Variants in CSF1R observed in about 807,000 individuals in gnomAD.
CSF1R encodes the protein macrophage colony-stimulating factor 1 receptor.
A neutral mutation model predicts 110.0 loss-of-function variants in CSF1R; 40 were observed. That is an observed-to-expected ratio of 0.36 (90% CI 0.28 to 0.47). The LOEUF (loss-of-function observed/expected upper bound fraction) is 0.47. Ranked by LOEUF, CSF1R falls within the 20% of genes least tolerant of loss-of-function variation. The pLI is 0.99. For synonymous variants in CSF1R, 523 were observed against 503.4 expected, an observed-to-expected ratio of 1.04 and a Z score of -0.52; for missense variants, 1,052 against 1,253.0, an observed-to-expected ratio of 0.84 and a Z score of 2.42.
At position 150,077,289 on chromosome 5, in the gene CSF1R, G is replaced by T; in HGVS notation, c.876C>A (p.Phe292Leu). The change falls in exon 5 of 21, where the codon TTC becomes TTA. Residue 292 changes from phenylalanine (F) to leucine (L), a missense_variant. Physicochemically the swap from Phe to Leu is conservative, Grantham distance 22. Transcript: ENST00000675795. ...CCTGATGCTTACCTACCACCCGGAA[G>T]AACATGGAGGTGGAGTGCTTGCCCT... is the stretch of plus-strand genomic sequence containing the variant. ...NVQGKHSTSM[F>L]FRVVESAYLN... The T allele has an allele frequency of 6.2e-7, 1 of 1,614,222 alleles. No homozygotes were observed. Among genetic ancestry groups the T allele is most frequent in the East Asian group, 2.2e-5 (1 of 44,880 alleles).
At chr5:150,086,124 G>A (rs1192427261) in intron 1 of CSF1R, among the ~76,000 whole-genome samples, 2 of 152,036 alleles carry the variant, frequency 1.3e-5, no homozygotes, top group Non-Finnish European at 2.9e-5. Flanking sequence ...GAGTATCAGA[G>A]GCTTGCTCAG....
chr5:150,064,745 AG>A (rs1380637658), intron 10 of CSF1R, among the ~76,000 whole-genome samples: 1 of 151,872 alleles, frequency 6.6e-6, no homozygotes, highest in East Asian at 1.9e-4. Context: ...GTTGAAAGGG[AG>A]GGGATCAAGG....
intron 6 of CSF1R, 33 bp from the exon 7 acceptor site, chr5:150,070,604 C>T: frequency 7.0e-7 from 1 of 1,435,676 alleles, no homozygotes; most frequent in Non-Finnish European, 9.3e-7. Flanking sequence ...GTTGGTGAGC[C>T]CCAGCCTAGT....
In CSF1R at chr5:150,059,790, G is replaced by T; in HGVS notation, c.2042C>A (p.Ala681Asp). The change falls in exon 14 of 21, where the codon GCC becomes GAC. Residue 681 changes from alanine (A) to aspartate (D), a missense_variant. Physicochemically the swap from Ala to Asp is moderately radical, Grantham distance 126 (BLOSUM62 -2). This residue lies in a region of CSF1R where 124 missense variants were observed against 117.7 expected (regional missense o/e 1.05). Transcript: ENST00000675795. Reference sequence around the variant, plus strand: ...GGGGCTCAGGCTGGGTCCCAGCATGGCCTCAGCCTTCCTTCGCAGAAAGTT... The same window carrying T: ...GGGGCTCAGGCTGGGTCCCAGCATGTCCTCAGCCTTCCTTCGCAGAAAGTT... ...LLNFLRRKAE[A>D]MLGPSLSPGQ... 6.2e-7 allele frequency: 1 copy of T among 1,614,190 alleles called. No individual in the cohort carries two copies. The highest frequency in any genetic ancestry group is 8.5e-7 in the Non-Finnish European group (1 of 1,180,046).
intron 1 of CSF1R, among the ~76,000 whole-genome samples, chr5:150,093,681 T>C (rs542047331): frequency 6.6e-6 from 1 of 152,298 alleles, no homozygotes; most frequent in Non-Finnish European, 1.5e-5. Flanking sequence ...TCATAAATGT[T>C]TAAGGCAATA....
intron 16 of CSF1R, 85 bp from the exon 17 acceptor site, chr5:150,056,426 G>A (rs776915131): frequency 1.7e-4 from 256 of 1,550,262 alleles, no homozygotes; most frequent in Non-Finnish European, 2.1e-4. Context: ...GGCCCCACAT[G>A]GCTTTGGAGT....
chr5:150,098,936 C>G (rs1486850802), intron 1 of CSF1R, among the ~76,000 whole-genome samples: 1 of 149,948 alleles, frequency 6.7e-6, no homozygotes, highest in Non-Finnish European at 1.5e-5. Flanking sequence ...TCTTGTCACC[C>G]AGGCTATAGT....
intron 10 of CSF1R, among the ~76,000 whole-genome samples, chr5:150,067,386 G>A (rs753187329): frequency 6.6e-6 from 1 of 152,196 alleles, no homozygotes; most frequent in Admixed American, 6.5e-5. Flanking sequence ...TTGACCAGCT[G>A]TAGACAAGGG....
intron 1 of CSF1R, among the ~76,000 whole-genome samples, chr5:150,111,474 A>G (rs547678095): frequency 2.1e-3 from 325 of 152,336 alleles, no homozygotes; most frequent in Non-Finnish European, 3.2e-3. Context: ...CCTCCCACAA[A>G]TGAGTTTTTA....
intron 1 of CSF1R, among the ~76,000 whole-genome samples, chr5:150,083,349 A>AACACACACACACACAC (rs59055324): frequency 1.5e-4 from 16 of 106,384 alleles, no homozygotes; most frequent in African/African-American, 4.8e-4. Flanking sequence ...CTTCTCTCCC[A>AACACACACACACACAC]ACACACACAC....
intron 1 of CSF1R, chr5:150,095,112 G>A (rs1429171656): frequency 0.04 from 13,141 of 327,564 alleles, 255 homozygotes; most frequent in South Asian, 0.088. Flanking sequence ...TCTCAAATTG[G>A]AAAAAAAAAA....
In CSF1R at chr5:150,080,155, G is replaced by T. The variant is rs768676884; in HGVS notation, c.489C>A (p.Thr163=). 2.1e-5 allele frequency: 34 copies of T among 1,613,970 alleles called. No homozygotes were observed. Among genetic ancestry groups the T allele is most frequent in the Non-Finnish European group, 2.8e-5 (33 of 1,180,062 alleles). ...TCTGAATGAACTTGGCCCTGTGGAT[G>T]GTGAAGCCATGCCAGGGCGAGAAGG... ...NYSFSPWHGF[T]IHRAKFIQSQ... is the part of the protein sequence containing the mutation. Residue 163 remains threonine, a synonymous_variant, in exon 3 of 21, where the codon ACC becomes ACA. Transcript: ENST00000675795.
chr5:150,089,533 T>G (rs1417202613), upstream of CSF1R, among the ~76,000 whole-genome samples: 11 of 152,172 alleles, frequency 7.2e-5, no homozygotes. Context: ...AAAACACTGT[T>G]GAAAGAAATT....
chr5:150,084,396 AAGGAAGGAAGGAAG>A (rs1561945978), intron 1 of CSF1R, among the ~76,000 whole-genome samples: 21 of 44,078 alleles, frequency 4.8e-4, no homozygotes, highest in South Asian at 7.1e-4. Context: ...AGAAAGAAGG[AAGGAAGGAAGGAAG>A]GAAGGAAGGA....
rs756527519 is a variant in CSF1R at position 150,054,137 on chromosome 5, G to T, written c.2851C>A (p.Leu951Met). 5 of 1,613,842 alleles carry T rather than the reference G, an allele frequency of 3.1e-6. No individual in the cohort carries two copies. Among genetic ancestry groups the T allele is most frequent in the Non-Finnish European group, 4.2e-6 (5 of 1,179,968 alleles). The change falls in exon 21 of 21, where the codon CTG becomes ATG. Residue 951 changes from leucine to methionine, a missense_variant. Leu to Met is a conservative substitution (Grantham distance 15). Coordinates refer to ENST00000675795, the MANE Select transcript of CSF1R (RefSeq NM_001288705.3). ...ELEEESSSEH[L>M]TCCEQGDIAQ... The stretch of plus-strand genomic sequence containing the variant: ...ATATCCCCTTGCTCGCAGCAGGTCA[G>T]GTGCTCACTAGAGCTCTCCTCCTCC...
At chr5:150,058,785 T>G (rs1469973502) in intron 14 of CSF1R, among the ~76,000 whole-genome samples, 1 of 151,866 alleles carries the variant, frequency 6.6e-6, no homozygotes, top group East Asian at 1.9e-4. Context: ...GAGGGCGCAG[T>G]GTACACCCTT....
Position 150,053,807 on chromosome 5 carries a change from G to C in CSF1R, c.*262C>G, listed in dbSNP as rs576176296. The C allele has an allele frequency of 1.8e-4, 98 of 551,638 alleles. No homozygotes were observed. In the East Asian group the frequency reaches 2.9e-3, roughly 17 times the overall value. The allele number at this position is 551,638 out of a possible 1,614,324, so 34.2% of individuals were successfully genotyped here. The stretch of plus-strand genomic sequence containing the variant: ...TTCTACTAGTTGGCATAGCAAACAC[G>C]AGGCCAACACCATGAGAACAGTAGG... On this transcript the variant is annotated 3_prime_UTR_variant, in exon 21 of 21. Transcript: ENST00000675795.
intron 6 of CSF1R, among the ~76,000 whole-genome samples, chr5:150,071,936 GT>G (rs1427025802): frequency 1.3e-5 from 2 of 152,210 alleles, no homozygotes; most frequent in Non-Finnish European, 2.9e-5. Context: ...AATCAATGAG[GT>G]TTGGGCTTCC....
chr5:150,108,190 G>T lies in CSF1R; in HGVS notation c.-181+5071C>A, dbSNP rs530478446. Among the ~76,000 whole-genome samples the T allele has an allele frequency of 5.6e-4, 85 of 152,322 alleles. No homozygotes were observed. In the South Asian group the frequency reaches 9.3e-3, roughly 17 times the overall value. ...CTAAGAATGCTGAACAGATGTGAGG[G>T]CCCATAAGAGGCACAGACAAAGGAA... is the stretch of plus-strand genomic sequence containing the variant. On this transcript the variant is annotated intron_variant, in intron 1 of 21. Transcript: ENST00000286301.
Sources: gnomAD v4.1 joint callset for allele counts (sites outside exome capture counted in the v4.1 genomes callset) on GRCh38, gnomAD v4.1.1 for gene constraint, gnomAD v4.1.1 regional missense constraint, MANE v1.5 for transcripts, NCBI Gene and HGNC (gene_info 2026-07-23, HGNC 2026-07-21) for gene names.